Variants in WWOX observed in about 807,000 individuals in gnomAD.
The protein encoded by WWOX is WW domain containing oxidoreductase.
Under a neutral mutation model 46.2 loss-of-function variants are expected in WWOX, and 69 were observed. The ratio of observed to expected loss-of-function variants is 1.49; its 90% CI spans 1.23 to 1.82. The LOEUF is 1.82. Ranked by LOEUF, WWOX falls within the 40% of genes most tolerant of loss-of-function variation. The pLI is 0.00. For synonymous variants in WWOX, 359 were observed against 202.6 expected, an observed-to-expected ratio of 1.77 and a Z score of -6.56; for missense variants, 919 against 542.6, an observed-to-expected ratio of 1.69 and a Z score of -6.89.
At chr16:79,046,600 C>T (rs567013908) in intron 8 of WWOX, among the ~76,000 whole-genome samples, 1 of 152,230 alleles carries the variant, frequency 6.6e-6, no homozygotes, top group Non-Finnish European at 1.5e-5. Context: ...CTCCCAGTTC[C>T]TCCCCAGTAC....
At chr16:78,997,955 C>G (rs924192033) in intron 8 of WWOX, among the ~76,000 whole-genome samples, 1 of 152,120 alleles carries the variant, frequency 6.6e-6, no homozygotes, top group Non-Finnish European at 1.5e-5. Context: ...CAGCTCACAG[C>G]AATCTCTGCC....
intron 5 of WWOX, among the ~76,000 whole-genome samples, chr16:78,210,127 T>C (rs2036512394): frequency 6.6e-6 from 1 of 152,232 alleles, no homozygotes; most frequent in Non-Finnish European, 1.5e-5. Context: ...TTTGTCATGT[T>C]ATGACAGAAA....
At chr16:78,270,343 C>T (rs1254043121) in intron 5 of WWOX, 1 of 152,150 alleles carries the variant, frequency 6.6e-6, no homozygotes, top group East Asian at 1.9e-4. Flanking sequence ...ATAGTGTCTC[C>T]CTCAGGAGCA....
chr16:78,864,754 CTTTTTTTTTT>C (rs57606576), intron 8 of WWOX, among the ~76,000 whole-genome samples: 5 of 87,160 alleles, frequency 5.7e-5, no homozygotes, highest in African/African-American at 9.5e-5. Context: ...TCTCCAACTC[CTTTTTTTTTT>C]TTTTTTTTTT....
chr16:78,716,486 G>T (rs938160616), intron 8 of WWOX, among the ~76,000 whole-genome samples: 4 of 152,162 alleles, frequency 2.6e-5, no homozygotes, highest in African/African-American at 9.7e-5. Context: ...TTATTTGGCA[G>T]AGGAAGATGA....
At chr16:78,581,804 A>C (rs1186134438) in intron 8 of WWOX, among the ~76,000 whole-genome samples, 1 of 152,134 alleles carries the variant, frequency 6.6e-6, no homozygotes, top group Non-Finnish European at 1.5e-5. Context: ...TTTTCCCCAT[A>C]CCAACTAGTA....
intron 8 of WWOX, among the ~76,000 whole-genome samples, chr16:78,523,851 G>A (rs1005929883): frequency 1.2e-4 from 19 of 152,342 alleles, no homozygotes; most frequent in African/African-American, 4.3e-4. Context: ...GAGGCCCATA[G>A]TGCAGCTAGG....
intron 5 of WWOX, among the ~76,000 whole-genome samples, chr16:78,363,621 A>C (rs534736431): frequency 1.3e-5 from 2 of 152,272 alleles, no homozygotes; most frequent in South Asian, 4.1e-4. Flanking sequence ...CACATCTGAG[A>C]GTCCCAGAAG....
chr16:78,684,726 A>G (rs985535680), intron 8 of WWOX, among the ~76,000 whole-genome samples: 1 of 151,986 alleles, frequency 6.6e-6, no homozygotes, highest in Non-Finnish European at 1.5e-5. Context: ...TTTAAACTCT[A>G]CTTTTTAGTG....
chr16:78,707,843 AAATAAAT>A (rs1328227869), intron 8 of WWOX, among the ~76,000 whole-genome samples: 3 of 14,768 alleles, frequency 2.0e-4, no homozygotes, highest in African/African-American at 6.0e-4. Context: ...TCAAAAATAT[AAATAAAT>A]AAATAAATAA....
chr16:78,809,341 C>G (rs2051129514), intron 8 of WWOX, among the ~76,000 whole-genome samples: 1 of 150,316 alleles, frequency 6.7e-6, no homozygotes, highest in African/African-American at 2.4e-5. Flanking sequence ...AAAAAACCAC[C>G]GTGGTATTCT....
chr16:78,406,152 T>G (rs1469779869), intron 6 of WWOX, among the ~76,000 whole-genome samples: 2 of 151,592 alleles, frequency 1.3e-5, no homozygotes, highest in Non-Finnish European at 2.9e-5. Flanking sequence ...AAGCCAACTA[T>G]ATCGTCATTT....
At chr16:78,597,757 T>G (rs2045524253) in intron 8 of WWOX, among the ~76,000 whole-genome samples, 1 of 58,814 alleles carries the variant, frequency 1.7e-5, no homozygotes, top group Non-Finnish European at 4.3e-5. Context: ...TTTATTTATA[T>G]GTGTATATAT....
At chr16:78,120,461 T>G (rs2151682191) in intron 4 of WWOX, among the ~76,000 whole-genome samples, 1 of 151,882 alleles carries the variant, frequency 6.6e-6, no homozygotes, top group African/African-American at 2.4e-5. Context: ...TCCCAGCTAC[T>G]CGGGAGGCTG....
At chr16:78,183,583 G>T (rs1042964381) in intron 5 of WWOX, among the ~76,000 whole-genome samples, 1 of 152,170 alleles carries the variant, frequency 6.6e-6, no homozygotes, top group Non-Finnish European at 1.5e-5. Context: ...TCCCCGAACC[G>T]TAGGATGCTT....
At position 79,000,541 on chromosome 16, in the gene WWOX, T is replaced by C. The variant is rs975360113; in HGVS notation, c.1057-211067T>C. Among the ~76,000 whole-genome samples the C allele has an allele frequency of 4.6e-5, 7 of 152,074 alleles. No individual in the cohort carries two copies. The East Asian group carries it at 7.7e-4, about 17-fold the overall frequency. ...GGACTTGGCCTGATGTTACCAGCTT[T>C]AAAGAGGGAGGAAGCGTCCAGGAGC... On this transcript the variant is annotated intron_variant, in intron 8 of 8. Transcript: ENST00000566780.
At chr16:78,121,474 A>C (rs1455191720) in intron 4 of WWOX, among the ~76,000 whole-genome samples, 1 of 152,214 alleles carries the variant, frequency 6.6e-6, no homozygotes, top group Non-Finnish European at 1.5e-5. Flanking sequence ...CATGGAAATC[A>C]CGTGATCAAA....
At chr16:79,027,039 G>T (rs1298234293) in intron 8 of WWOX, among the ~76,000 whole-genome samples, 2 of 151,532 alleles carry the variant, frequency 1.3e-5, no homozygotes, top group African/African-American at 4.9e-5. Flanking sequence ...CAGCACTTTG[G>T]GAGGTCAAGG....
intron 8 of WWOX, among the ~76,000 whole-genome samples, chr16:78,815,478 C>G (rs7404312): frequency 1.3e-5 from 2 of 152,096 alleles, no homozygotes; most frequent in East Asian, 1.9e-4. Flanking sequence ...CTAAACACTT[C>G]TTACGTTACC....
Sources: allele counts gnomAD v4.1 joint callset (sites outside exome capture counted in the v4.1 genomes callset), GRCh38; gene constraint gnomAD v4.1.1; transcripts MANE v1.5; gene names NCBI Gene and HGNC (gene_info 2026-07-23, HGNC 2026-07-21).